ULK4: variants seen among roughly 807,000 people sequenced by gnomAD.
ULK4 encodes inactive serine/threonine-protein kinase ULK4.
ULK4 carries 133 observed loss-of-function variants against 160.6 expected under a neutral mutation model. That is an observed-to-expected ratio of 0.83 (90% CI 0.72 to 0.96). The LOEUF (loss-of-function observed/expected upper bound fraction) is 0.96, where lower values mean the gene tolerates loss of function less well. Among genes scored for constraint, ULK4 ranks in the 40% least tolerant of loss-of-function variants. The pLI is 0.00. For synonymous variants in ULK4, 534 were observed against 539.8 expected (o/e 0.99, Z 0.15); for missense variants, 1,580 against 1,499.5 (o/e 1.05, Z -0.89).
In ULK4 at chr3:41,938,462, A is replaced by C. The variant is rs12632693; in HGVS notation, c.139-265T>G. Among the ~76,000 whole-genome samples, 1,180 of 152,284 alleles carry C rather than the reference A, an allele frequency of 7.7e-3. 45 individuals are homozygous for C. The East Asian group carries it at 0.12, about 16-fold the overall frequency. On this transcript the variant is annotated intron_variant, in intron 2 of 36. Coordinates refer to ENST00000301831, the MANE Select transcript of ULK4 (RefSeq NM_017886.4). ...TTGGGAGGCCGAGGTGGGTTGGATC[A>C]CTTGAGGTCAGGAGTACAAGAGCAG...
At chr3:41,512,087 G>A (rs1221608361) in intron 32 of ULK4, among the ~76,000 whole-genome samples, 1 of 152,104 alleles carries the variant, frequency 6.6e-6, no homozygotes, top group Non-Finnish European at 1.5e-5. Context: ...CACACTTCAT[G>A]ATTAAAACCC....
At chr3:41,826,206 G>C (rs539433893) in intron 18 of ULK4, among the ~76,000 whole-genome samples, 1 of 152,176 alleles carries the variant, frequency 6.6e-6, no homozygotes, top group Non-Finnish European at 1.5e-5. Context: ...GCAAAAACAT[G>C]CCAAATTGTA....
At chr3:41,327,136 TA>T (rs1559526384) in intron 35 of ULK4, among the ~76,000 whole-genome samples, 1 of 152,064 alleles carries the variant, frequency 6.6e-6, no homozygotes, top group East Asian at 1.9e-4. Context: ...AATGACTTTT[TA>T]AAAAAAGAGG....
At chr3:41,512,668 A>G (rs1337276765) in intron 32 of ULK4, among the ~76,000 whole-genome samples, 1 of 152,224 alleles carries the variant, frequency 6.6e-6, no homozygotes, top group African/African-American at 2.4e-5. Context: ...ATGAATGGGT[A>G]GAGTCAATAT....
rs201764403 is a variant in ULK4 at position 41,506,768 on chromosome 3, AT to A, written c.3227-43516del. Among the ~76,000 whole-genome samples, 525 of 66,732 alleles carry A rather than the reference AT, an allele frequency of 7.9e-3. 115 individuals carry two copies. Among genetic ancestry groups the A allele is most frequent in the Admixed American group, 0.034 (227 of 6,640 alleles). 43.8% of individuals were successfully genotyped at this position (66,732 alleles called of 152,430 possible). On this transcript the variant is annotated intron_variant, in intron 32 of 36. Coordinates refer to ENST00000301831, the MANE Select transcript of ULK4 (RefSeq NM_017886.4). ...GCAATACACTGGAGTGTGATTTAAA[AT>A]ATATATATATATATATATATATATA...
intron 4 of ULK4, among the ~76,000 whole-genome samples, chr3:41,935,209 A>ATTTTTTTTTTTTTTT (rs10524611): frequency 1.5e-5 from 2 of 135,554 alleles, no homozygotes; most frequent in Admixed American, 7.1e-5. Context: ...TTATTTATTT[A>ATTTTTTTTTTTTTTT]TTTTTTTTTT....
chr3:41,393,148 G>A lies in ULK4; in HGVS notation c.3678+4931C>T, dbSNP rs116013073. On this transcript the variant is annotated intron_variant, in intron 35 of 36. Transcript: ENST00000301831. ...TCCCAATATGGACTGAAGACCACAAGTGAACTGCCAATAACAAAACCGCTG... is the reference window on the plus strand; with the variant it reads ...TCCCAATATGGACTGAAGACCACAAATGAACTGCCAATAACAAAACCGCTG... Among the ~76,000 whole-genome samples, 1,017 of 152,248 alleles carry A rather than the reference G, an allele frequency of 6.7e-3. 4 individuals carry two copies. The highest frequency in any genetic ancestry group is 0.015 in the African/African-American group (625 of 41,564).
chr3:41,535,273 T>C (rs569936513), intron 32 of ULK4, among the ~76,000 whole-genome samples: 1 of 152,134 alleles, frequency 6.6e-6, no homozygotes, highest in South Asian at 2.1e-4. Context: ...CGGAGAGCAG[T>C]GGCTGATGCA....
intron 22 of ULK4, among the ~76,000 whole-genome samples, chr3:41,721,352 ATATATATATATTTTT>A (rs1232939563): frequency 1.7e-5 from 1 of 57,602 alleles, no homozygotes; most frequent in African/African-American, 9.3e-5. Context: ...ATATATATAT[ATATATATATATTTTT>A]TTTTTTTTTT....
intron 35 of ULK4, among the ~76,000 whole-genome samples, chr3:41,388,333 A>C (rs1022568229): frequency 1.5e-4 from 22 of 151,636 alleles, no homozygotes; most frequent in African/African-American, 5.3e-4. Context: ...TTGCCTGTTC[A>C]CTCTGATGGT....
At chr3:41,422,167 A>T (rs1359432688) in intron 34 of ULK4, among the ~76,000 whole-genome samples, 4 of 152,178 alleles carry the variant, frequency 2.6e-5, no homozygotes, top group African/African-American at 9.7e-5. Context: ...TCTAATAAAG[A>T]AGTCTTGTAA....
intron 32 of ULK4, among the ~76,000 whole-genome samples, chr3:41,473,879 G>A (rs2084063924): frequency 6.6e-6 from 1 of 152,168 alleles, no homozygotes; most frequent in East Asian, 1.9e-4. Context: ...CATGTTCATG[G>A]ATTGGAGGAA....
chr3:41,593,521 A>G (rs1296379162), intron 31 of ULK4, among the ~76,000 whole-genome samples: 2 of 152,228 alleles, frequency 1.3e-5, no homozygotes, highest in Non-Finnish European at 2.9e-5. Context: ...GGATGCTGGA[A>G]CCACACAAAG....
intron 31 of ULK4, among the ~76,000 whole-genome samples, chr3:41,571,853 G>A (rs920132211): frequency 4.6e-5 from 7 of 152,172 alleles, no homozygotes; most frequent in African/African-American, 1.7e-4. Context: ...CTACACTTTT[G>A]GTGCCCTGAT....
At chr3:41,730,179 C>A (rs2037777545) in intron 22 of ULK4, among the ~76,000 whole-genome samples, 1 of 151,950 alleles carries the variant, frequency 6.6e-6, no homozygotes, top group East Asian at 1.9e-4. Context: ...GCAATAAATG[C>A]CCGCATCAAA....
At chr3:41,324,633 G>C (rs573307979) in intron 35 of ULK4, among the ~76,000 whole-genome samples, 1 of 152,198 alleles carries the variant, frequency 6.6e-6, no homozygotes, top group South Asian at 2.1e-4. Context: ...GCAGGTGGAA[G>C]TGGCCATGGG....
intron 1 of ULK4, among the ~76,000 whole-genome samples, chr3:41,956,114 AG>A (rs1170940869): frequency 3.3e-5 from 5 of 152,232 alleles, no homozygotes; most frequent in African/African-American, 1.2e-4. Flanking sequence ...TCTATGCAGC[AG>A]ATGACCACAA....
At chr3:41,694,502 G>C (rs759146486) in intron 27 of ULK4, among the ~76,000 whole-genome samples, 4 of 152,150 alleles carry the variant, frequency 2.6e-5, no homozygotes, top group Non-Finnish European at 4.4e-5. Flanking sequence ...GGATAGGGCA[G>C]ACAATCTGAC....
chr3:41,286,256 C>T (rs1387569321), intron 35 of ULK4, among the ~76,000 whole-genome samples: 3 of 152,000 alleles, frequency 2.0e-5, no homozygotes, highest in Non-Finnish European at 4.4e-5. Context: ...TTGTAATCAC[C>T]CTCTGAGACG....
Sources: allele counts gnomAD v4.1 joint callset (sites outside exome capture counted in the v4.1 genomes callset), GRCh38; gene constraint gnomAD v4.1.1; transcripts MANE v1.5; gene names NCBI Gene and HGNC (gene_info 2026-07-23, HGNC 2026-07-21).